Variants in LYPD6 observed in about 807,000 individuals in gnomAD.
LYPD6 encodes the protein LY6/PLAUR domain containing 6.
In LYPD6, 15 loss-of-function variants were observed where a neutral mutation model predicts 22.7. The ratio of observed to expected loss-of-function variants is 0.66; its 90% CI spans 0.44 to 1.02. The LOEUF is 1.02. Ranked by LOEUF, LYPD6 falls within the 50% of genes least tolerant of loss-of-function variation. The probability of loss-of-function intolerance (pLI) is 0.00; values close to 1 mark genes in which losing one functional copy is unlikely to be tolerated. For synonymous variants in LYPD6, 72 were observed against 77.5 expected (o/e 0.93, Z 0.37); for missense variants, 189 against 208.4 (o/e 0.91, Z 0.57).
chr2:149,342,152 A>T (rs1403462685), intron 1 of LYPD6, among the ~76,000 whole-genome samples: 4 of 152,166 alleles, frequency 2.6e-5, no homozygotes, highest in African/African-American at 9.7e-5. Context: ...CCCATGACCT[A>T]GGACTTTGGA....
Position 149,437,807 on chromosome 2 carries a change from T to G in LYPD6, c.99T>G (p.Ile33Met), listed in dbSNP as rs1382721632. 1.2e-6 allele frequency: 2 copies of G among 1,614,058 alleles called. No homozygotes were observed. The highest frequency in any genetic ancestry group is 1.3e-5 in the African/African-American group (1 of 74,936). The change falls in exon 2 of 5, where the codon ATT (isoleucine) becomes ATG (methionine). Residue 33 changes from isoleucine (I) to methionine (M), a missense_variant. By Grantham distance (10) the Ile-to-Met change is conservative. Coordinates refer to ENST00000334166, the MANE Select transcript of LYPD6 (RefSeq NM_194317.5). ...CCCGAGACTTCACAGTGAAAGACAT[T>G]ATCTACCTCCATCCTTCAAGTAAGA... ...AQSRDFTVKD[I>M]IYLHPSTTPY...
Position 149,439,623 on chromosome 2 carries a change from A to G in LYPD6, c.118+1797A>G, listed in dbSNP as rs541231831. Among the ~76,000 whole-genome samples the G allele has an allele frequency of 2.6e-5, 4 of 152,298 alleles. No individual in the cohort carries two copies. In the East Asian group the frequency reaches 7.7e-4, roughly 29 times the overall value. ...AGAATTAAGGTGACTGGATTTAACA[A>G]CATACACACCACTTCTGCCTCAGTA... On this transcript the variant is annotated intron_variant, in intron 2 of 4. Coordinates refer to ENST00000334166, the MANE Select transcript of LYPD6 (RefSeq NM_194317.5).
intron 1 of LYPD6, among the ~76,000 whole-genome samples, chr2:149,353,351 A>G (rs920490258): frequency 3.3e-5 from 5 of 152,240 alleles, no homozygotes; most frequent in African/African-American, 1.2e-4. Flanking sequence ...TATTTGTAGG[A>G]GATGCAACTC....
intron 1 of LYPD6, among the ~76,000 whole-genome samples, chr2:149,356,996 T>G (rs1488651268): frequency 6.6e-6 from 1 of 152,196 alleles, no homozygotes; most frequent in African/African-American, 2.4e-5. Flanking sequence ...CTTCAAAAAT[T>G]TACTGGGATT....
intron 1 of LYPD6, chr2:149,367,803 C>T (rs1022001490): frequency 1.3e-5 from 2 of 152,150 alleles, no homozygotes; most frequent in African/African-American, 4.8e-5. Context: ...TTCCGAGCTC[C>T]AGCAAAACAA....
At chr2:149,358,897 TTATTGC>T (rs1339856168) in intron 1 of LYPD6, among the ~76,000 whole-genome samples, 1 of 152,136 alleles carries the variant, frequency 6.6e-6, no homozygotes, top group African/African-American at 2.4e-5. Flanking sequence ...CCATTGAGAA[TTATTGC>T]TATGGGCAGT....
chr2:149,430,849 G>A (rs1257278483), intron 1 of LYPD6, among the ~76,000 whole-genome samples: 2 of 152,114 alleles, frequency 1.3e-5, no homozygotes, highest in Non-Finnish European at 2.9e-5. Context: ...TAGTAATTAG[G>A]ATGTAGACTT....
intron 1 of LYPD6, among the ~76,000 whole-genome samples, chr2:149,394,038 A>T (rs1682373432): frequency 6.6e-6 from 1 of 152,218 alleles, no homozygotes; most frequent in African/African-American, 2.4e-5. Flanking sequence ...ACAGTCTCAA[A>T]TATAAAATTC....
chr2:149,414,305 C>T (rs1333823870), intron 1 of LYPD6, among the ~76,000 whole-genome samples: 1 of 152,132 alleles, frequency 6.6e-6, no homozygotes, highest in Non-Finnish European at 1.5e-5. Flanking sequence ...TTTTAATACT[C>T]ACTGTTAATA....
the LYPD6 span, among the ~76,000 whole-genome samples, chr2:149,482,229 TATA>T: frequency 6.6e-6 from 1 of 152,238 alleles, no homozygotes; most frequent in African/African-American, 2.4e-5. Context: ...TCTCTAATAA[TATA>T]ATATTATAGT....
the LYPD6 span, among the ~76,000 whole-genome samples, chr2:149,483,137 C>T: frequency 2.0e-5 from 3 of 152,082 alleles, no homozygotes; most frequent in African/African-American, 4.8e-5. Flanking sequence ...CCCAGGGGAC[C>T]CACTGGCCTC....
chr2:149,346,793 C>A (rs367779423), intron 1 of LYPD6, among the ~76,000 whole-genome samples: 1 of 152,134 alleles, frequency 6.6e-6, no homozygotes, highest in African/African-American at 2.4e-5. Context: ...CTCCGCCTCC[C>A]GGGTTCTAGC....
chr2:149,443,919 A>G (rs1018802852), intron 2 of LYPD6, among the ~76,000 whole-genome samples: 7 of 151,098 alleles, frequency 4.6e-5, no homozygotes, highest in African/African-American at 1.7e-4. Context: ...TCTAAAAAAC[A>G]ATGTGCATAT....
At chr2:149,483,132 G>A in the LYPD6 span, among the ~76,000 whole-genome samples, 1 of 152,056 alleles carries the variant, frequency 6.6e-6, no homozygotes, top group African/African-American at 2.4e-5. Flanking sequence ...TGGACCCCAG[G>A]GGACCCACTG....
At chr2:149,476,061 A>T (rs1005232902), downstream of LYPD6, among the ~76,000 whole-genome samples, 1 of 152,184 alleles carries the variant, frequency 6.6e-6, no homozygotes, top group African/African-American at 2.4e-5. Flanking sequence ...TATACAGGAG[A>T]GAAAAGAACC....
chr2:149,483,282 A>C, the LYPD6 span, among the ~76,000 whole-genome samples: 1 of 152,216 alleles, frequency 6.6e-6, no homozygotes, highest in Admixed American at 6.5e-5. Flanking sequence ...GCTCAACTCC[A>C]GGAGTTGTGG....
At chr2:149,357,159 A>G (rs1042975140) in intron 1 of LYPD6, among the ~76,000 whole-genome samples, 2 of 152,208 alleles carry the variant, frequency 1.3e-5, no homozygotes, top group South Asian at 4.1e-4. Flanking sequence ...TTTGGCTCCT[A>G]CTTAGTTATC....
chr2:149,399,292 T>C (rs964066316), intron 1 of LYPD6, among the ~76,000 whole-genome samples: 3 of 152,222 alleles, frequency 2.0e-5, no homozygotes, highest in Non-Finnish European at 4.4e-5. Context: ...TCATATAATA[T>C]TACAGTTGTT....
At chr2:149,469,780 C>T (rs770338076) in intron 4 of LYPD6, among the ~76,000 whole-genome samples, 3 of 152,094 alleles carry the variant, frequency 2.0e-5, no homozygotes, top group African/African-American at 2.4e-5. Flanking sequence ...GTCATATGCT[C>T]GGTCACACAG....
Sources: gnomAD v4.1 joint callset for allele counts (sites outside exome capture counted in the v4.1 genomes callset) on GRCh38, gnomAD v4.1.1 for gene constraint, MANE v1.5 for transcripts, NCBI Gene and HGNC (gene_info 2026-07-23, HGNC 2026-07-21) for gene names.